The following ADGRE5 variants were observed in gnomAD, a reference collection of about 807,000 sequenced individuals.
The protein encoded by ADGRE5 is CD97 molecule.
A neutral mutation model predicts 100.3 loss-of-function variants in ADGRE5; 72 were observed. That is an observed-to-expected ratio of 0.72 (90% confidence interval 0.59 to 0.87). The LOEUF (loss-of-function observed/expected upper bound fraction) is 0.87. ADGRE5 is among the 40% of genes least tolerant of loss of function. The pLI, the probability that ADGRE5 is intolerant of heterozygous loss-of-function variation, is 0.00. For missense variants in ADGRE5, 959 were observed against 1,094.7 expected (o/e 0.88, Z 1.75); for synonymous variants, 439 against 447.8 (o/e 0.98, Z 0.25).
intron 18 of ADGRE5, among the ~76,000 whole-genome samples, chr19:14,407,634 T>A (rs1599637457): frequency 7.6e-6 from 1 of 131,000 alleles, no homozygotes; most frequent in African/African-American, 3.6e-5. Flanking sequence ...GTGAGACTTG[T>A]CTCCAAAAAA....
chr19:14,406,004 G>GGGAGTGGGCGGGGCTAA lies in ADGRE5; in HGVS notation c.1821+65_1821+66insGGAGTGGGCGGGGCTAA. On this transcript the variant is annotated intron_variant, in intron 14 of 19. Transcript: ENST00000242786. The surrounding 1 kb of genome is among the most constrained non-coding windows in gnomAD (Gnocchi z 6.0). Reference sequence around the variant, plus strand: ...GGGAGGCCTGGGAGGGGTTAGCCCCGCCCACTCCCGGGGCTCAGTCGGGTA... The same window carrying GGGAGTGGGCGGGGCTAA: ...GGGAGGCCTGGGAGGGGTTAGCCCCGGGAGTGGGCGGGGCTAACCCACTCCCGGGGCTCAGTCGGGTA... The GGGAGTGGGCGGGGCTAA allele has an allele frequency of 7.2e-7, 1 of 1,397,770 alleles. No homozygotes were observed. The highest frequency in any genetic ancestry group is 9.6e-7 in the Non-Finnish European group (1 of 1,036,690). The allele number at this position is 1,397,770 out of a possible 1,614,324, so 86.6% of individuals were successfully genotyped here.
Position 14,406,839 on chromosome 19 carries a change from C to T in ADGRE5, c.2116-30C>T, listed in dbSNP as rs772734859. On this transcript the variant is annotated intron_variant, in intron 16 of 19. Coordinates refer to ENST00000242786, the MANE Select transcript of ADGRE5 (RefSeq NM_078481.4). This position sits in a 1 kb window ranked among gnomAD's most constrained non-coding sequence, Gnocchi z 6.0. Reference sequence around the variant, plus strand: ...GGCCCGGCTGGACCATCGCTCTCGCCCTCTAACCCACAATCTGCTCCCTGC... The same window carrying T: ...GGCCCGGCTGGACCATCGCTCTCGCTCTCTAACCCACAATCTGCTCCCTGC... The T allele has an allele frequency of 1.1e-5, 17 of 1,612,374 alleles. No individual in the cohort carries two copies. The South Asian group carries it at 1.8e-4, about 17-fold the overall frequency.
chr19:14,394,730 T>C (rs1778964627), intron 4 of ADGRE5, among the ~76,000 whole-genome samples: 1 of 151,914 alleles, frequency 6.6e-6, no homozygotes, highest in Non-Finnish European at 1.5e-5. Context: ...CTGGAACCCC[T>C]CTGACACCCA....
chr19:14,403,155 G>T (rs1568317928), intron 12 of ADGRE5, among the ~76,000 whole-genome samples: 1 of 151,874 alleles, frequency 6.6e-6, no homozygotes, highest in Non-Finnish European at 1.5e-5. Flanking sequence ...TGATTCTCCT[G>T]CCTCAGCCTC....
chr19:14,396,277 G>C, intron 4 of ADGRE5, 65 bp from the exon 5 acceptor site: 2 of 1,613,148 alleles, frequency 1.2e-6, no homozygotes, highest in Non-Finnish European at 1.7e-6. Context: ...GAAACATGGC[G>C]GACCCTCAGC....
intron 18 of ADGRE5, 124 bp downstream of exon 18, chr19:14,407,353 T>C: frequency 1.8e-6 from 2 of 1,135,242 alleles, no homozygotes; most frequent in Non-Finnish European, 2.5e-6. Context: ...AGATGCTGTC[T>C]TTACAAAAAA....
chr19:14,399,550 C>T (rs1483901062), intron 9 of ADGRE5, among the ~76,000 whole-genome samples: 5 of 113,218 alleles, frequency 4.4e-5, no homozygotes, highest in African/African-American at 3.5e-5. Flanking sequence ...GGCGACAGAG[C>T]GAGACTCCGT....
At chr19:14,391,968 G>A (rs1052639305) in intron 4 of ADGRE5, among the ~76,000 whole-genome samples, 3 of 151,340 alleles carry the variant, frequency 2.0e-5, no homozygotes, top group Non-Finnish European at 2.9e-5. Flanking sequence ...ATGGTGGCAC[G>A]CGCCTGTAAT....
intron 4 of ADGRE5, among the ~76,000 whole-genome samples, chr19:14,392,928 G>C (rs1290297121): frequency 6.7e-6 from 1 of 148,898 alleles, no homozygotes; most frequent in Admixed American, 6.7e-5. Flanking sequence ...ATGGCTAGGC[G>C]CGATGGCTCA....
chr19:14,398,841 C>G (rs1213557270), intron 9 of ADGRE5, among the ~76,000 whole-genome samples: 1 of 148,442 alleles, frequency 6.7e-6, no homozygotes, highest in East Asian at 2.0e-4. Context: ...TGTTTGTTTG[C>G]GTTTTTTTTT....
chr19:14,385,198 G>C (rs1212002494), intron 1 of ADGRE5, among the ~76,000 whole-genome samples: 1 of 151,420 alleles, frequency 6.6e-6, no homozygotes. Flanking sequence ...TTTTAGTAGA[G>C]ATGGGGTTTC....
chr19:14,406,333 G>C lies in ADGRE5; in HGVS notation c.1824G>C (p.Val608=), dbSNP rs1208442188. 6.4e-7 allele frequency: 1 copy of C among 1,560,598 alleles called. No individual in the cohort carries two copies. The highest frequency in any genetic ancestry group is 1.2e-5 in the South Asian group (1 of 85,350). Residue 608 remains valine, a splice_region_variant and synonymous_variant, in exon 15 of 20, where the codon GTG becomes GTC. Coordinates refer to ENST00000242786, the MANE Select transcript of ADGRE5 (RefSeq NM_078481.4). The surrounding 1 kb of genome is among the most constrained non-coding windows in gnomAD (Gnocchi z 6.0). The part of the protein sequence containing the change: ...LAGIENEGGQ[V]GLRCRLVAGL... ...GCCCCTCCGTCCCCGCCCCGCAGGTGGGGCTGCGCTGCCGCCTGGTGGCCG... is the reference window on the plus strand; with the variant it reads ...GCCCCTCCGTCCCCGCCCCGCAGGTCGGGCTGCGCTGCCGCCTGGTGGCCG...
At chr19:14,382,689 G>A (rs976040901) in intron 1 of ADGRE5, among the ~76,000 whole-genome samples, 3 of 150,420 alleles carry the variant, frequency 2.0e-5, no homozygotes, top group Admixed American at 6.7e-5. Context: ...ACATCGAGAC[G>A]TTGTCTCTAC....
At position 14,406,979 on chromosome 19, in the gene ADGRE5, A is replaced by C. The variant is rs774312497; in HGVS notation, c.2207+19A>C. ...AGGCGAGGTGAGAGGAGAGGCTGGA[A>C]GGACTTGGAGGCGGGGCCGGGGTGA... On this transcript the variant is annotated intron_variant, in intron 17 of 19. Coordinates refer to ENST00000242786, the MANE Select transcript of ADGRE5 (RefSeq NM_078481.4). This position sits in a 1 kb window ranked among gnomAD's most constrained non-coding sequence, Gnocchi z 6.0. 1.9e-6 allele frequency: 3 copies of C among 1,613,890 alleles called. No homozygotes were observed. Among genetic ancestry groups the C allele is most frequent in the Non-Finnish European group, 2.5e-6 (3 of 1,179,750 alleles).
Position 14,401,830 on chromosome 19 carries a change from G to A in ADGRE5, c.1183+70G>A. On this transcript the variant is annotated intron_variant, in intron 11 of 19. Coordinates refer to ENST00000242786, the MANE Select transcript of ADGRE5 (RefSeq NM_078481.4). The surrounding 1 kb of genome is among the most constrained non-coding windows in gnomAD (Gnocchi z 4.1). ...AGGTGCTGGGATGGGGCCAGGGTGA[G>A]GTTCAGAATAGAACAACTGACTGGG... is the stretch of plus-strand genomic sequence containing the variant. 1 of 1,108,188 alleles carries A rather than the reference G, an allele frequency of 9.0e-7. No homozygotes were observed. Among genetic ancestry groups the A allele is most frequent in the East Asian group, 2.5e-5 (1 of 39,938 alleles). The allele number at this position is 1,108,188 out of a possible 1,614,324, so 68.6% of individuals were successfully genotyped here.
intron 1 of ADGRE5, among the ~76,000 whole-genome samples, chr19:14,384,726 C>T (rs1975273846): frequency 1.3e-5 from 2 of 151,180 alleles, no homozygotes; most frequent in South Asian, 4.2e-4. Context: ...TGTCCCATCT[C>T]CTCCTGTTTC....
chr19:14,397,970 C>T (rs1010209959), intron 8 of ADGRE5, 35 bp downstream of exon 8: 14 of 1,468,674 alleles, frequency 9.5e-6, no homozygotes, highest in Non-Finnish European at 1.3e-5. Flanking sequence ...GCGGCGGGAA[C>T]TCCATCCACA....
chr19:14,396,456 A>T lies in ADGRE5; in HGVS notation c.461A>T (p.Asp154Val). ...CLPGFKFIPEDPKVCTDVNEC... is the reference protein window; with the variant it reads ...CLPGFKFIPEVPKVCTDVNEC... ...CCTGGCTTCAAGTTCATACCTGAGG[A>T]TCCGAAGGTCTGCACAGGTAGAGGC... is the stretch of plus-strand genomic sequence containing the variant. The change falls in exon 5 of 20, where the codon GAT (aspartate) becomes GTT (valine). Residue 154 changes from aspartate (D) to valine (V), a missense_variant. Asp to Val is a radical substitution (Grantham distance 152). Transcript: ENST00000242786. 1 of 1,614,306 alleles carries T rather than the reference A, an allele frequency of 6.2e-7. No individual in the cohort carries two copies. Among genetic ancestry groups the T allele is most frequent in the Non-Finnish European group, 8.5e-7 (1 of 1,180,060 alleles).
intron 1 of ADGRE5, among the ~76,000 whole-genome samples, chr19:14,385,365 C>T (rs1568306176): frequency 1.3e-5 from 2 of 152,046 alleles, no homozygotes; most frequent in African/African-American, 2.4e-5. Flanking sequence ...TTCTGTGTCT[C>T]TCTTTCTTTC....
Sources: allele counts gnomAD v4.1 joint callset (sites outside exome capture counted in the v4.1 genomes callset), GRCh38; gene constraint gnomAD v4.1.1; non-coding constraint Gnocchi (gnomAD v3.1); transcripts MANE v1.5; gene names NCBI Gene and HGNC (gene_info 2026-07-23, HGNC 2026-07-21).